SNX29: variants seen among roughly 807,000 people sequenced by gnomAD.
SNX29 encodes sorting nexin-29.
A neutral mutation model predicts 102.1 loss-of-function variants in SNX29; 78 were observed. The ratio of observed to expected loss-of-function variants is 0.76; its 90% CI spans 0.64 to 0.92. The LOEUF (loss-of-function observed/expected upper bound fraction) is 0.92, where lower values mean the gene tolerates loss of function less well. Among genes scored for constraint, SNX29 ranks in the 40% least tolerant of loss-of-function variants. The pLI, the probability that SNX29 is intolerant of heterozygous loss-of-function variation, is 0.00. For missense variants in SNX29, 1,280 were observed against 1,061.7 expected (o/e 1.21, Z -2.86); for synonymous variants, 580 against 414.5 (o/e 1.40, Z -4.85).
chr16:12,533,174 T>G (rs1442224597), intron 20 of SNX29, among the ~76,000 whole-genome samples: 1 of 152,212 alleles, frequency 6.6e-6, no homozygotes, highest in Non-Finnish European at 1.5e-5. Flanking sequence ...CTGAACAAAC[T>G]GGATTCTGGA....
chr16:12,504,094 C>G (rs547581177), intron 19 of SNX29, among the ~76,000 whole-genome samples: 1 of 152,192 alleles, frequency 6.6e-6, no homozygotes, highest in African/African-American at 2.4e-5. Context: ...AACCACTCAT[C>G]TGTTTTCTGC....
At chr16:12,095,341 A>C (rs1047374291) in intron 11 of SNX29, 1 of 152,214 alleles carries the variant, frequency 6.6e-6, no homozygotes, top group Admixed American at 6.5e-5. Context: ...TGCCAATTTC[A>C]GGAAGAGCCA....
At chr16:12,481,571 G>A (rs2087936951) in intron 19 of SNX29, among the ~76,000 whole-genome samples, 1 of 142,974 alleles carries the variant, frequency 7.0e-6, no homozygotes, top group Non-Finnish European at 1.5e-5. Context: ...ATGTCACCCT[G>A]TCGCCCAGGG....
At chr16:12,422,739 C>T (rs2084919789) in intron 18 of SNX29, among the ~76,000 whole-genome samples, 1 of 152,222 alleles carries the variant, frequency 6.6e-6, no homozygotes, top group South Asian at 2.1e-4. Flanking sequence ...ACCTCTCTCT[C>T]CCAGCCCCTG....
rs1041630158 is a variant in SNX29 at position 12,423,716 on chromosome 16, G to A, written c.2037+20187G>A. Among the ~76,000 whole-genome samples, 22 of 152,216 alleles carry A rather than the reference G, an allele frequency of 1.4e-4. 1 individual carries two copies. Among genetic ancestry groups the A allele is most frequent in the Non-Finnish European group, 8.8e-5 (6 of 68,010 alleles). On this transcript the variant is annotated intron_variant, in intron 18 of 20. Transcript: ENST00000566228. ...CTCCCGAATAGCTGGGGTTACAGGC[G>A]CGCACCACCAAGCCTGGCTAAGTTT...
chr16:12,528,163 C>G (rs964352284), intron 20 of SNX29, among the ~76,000 whole-genome samples: 1 of 151,690 alleles, frequency 6.6e-6, no homozygotes, highest in Non-Finnish European at 1.5e-5. Context: ...TTGCCAACAT[C>G]AAAAAATTAG....
At chr16:11,991,435 C>T (rs1043215549) in intron 1 of SNX29, among the ~76,000 whole-genome samples, 6 of 152,096 alleles carry the variant, frequency 3.9e-5, no homozygotes, top group Admixed American at 3.9e-4. Flanking sequence ...CAGGGGGAGA[C>T]AGGGGTGCAG....
intron 19 of SNX29, among the ~76,000 whole-genome samples, chr16:12,484,643 G>A (rs1260457294): frequency 2.6e-5 from 4 of 151,702 alleles, no homozygotes; most frequent in African/African-American, 9.7e-5. Context: ...ATCTCACCTC[G>A]GGGCCTTTGC....
intron 18 of SNX29, among the ~76,000 whole-genome samples, chr16:12,456,539 C>T (rs2086548304): frequency 6.6e-6 from 1 of 151,326 alleles, no homozygotes; most frequent in African/African-American, 2.4e-5. Flanking sequence ...GTATGTGCAT[C>T]TGGCGAAAGT....
chr16:12,555,473 G>A (rs1250078132), intron 20 of SNX29, among the ~76,000 whole-genome samples: 2 of 151,560 alleles, frequency 1.3e-5, no homozygotes, highest in Admixed American at 1.3e-4. Flanking sequence ...TGACATGTCT[G>A]AGGACGTCTT....
Position 12,563,896 on chromosome 16 carries a change from C to G in SNX29, c.2319-4610C>G, listed in dbSNP as rs145452581. On this transcript the variant is annotated intron_variant, in intron 20 of 20. Transcript: ENST00000566228. Reference sequence around the variant, plus strand: ...CTCTAGCCCCTTGGGCCTCTGCCGTCTCTGGAGCAGGCAGCCGAAGACCTA... The same window carrying G: ...CTCTAGCCCCTTGGGCCTCTGCCGTGTCTGGAGCAGGCAGCCGAAGACCTA... Among the ~76,000 whole-genome samples, 163 of 152,344 alleles carry G rather than the reference C, an allele frequency of 1.1e-3. 2 individuals carry two copies. The highest frequency in any genetic ancestry group is 2.4e-3 in the Admixed American group (37 of 15,312).
intron 15 of SNX29, among the ~76,000 whole-genome samples, chr16:12,336,105 T>C (rs1428225130): frequency 1.3e-5 from 2 of 152,170 alleles, no homozygotes; most frequent in Admixed American, 6.5e-5. Flanking sequence ...TAGAGAAATA[T>C]AATATTTACA....
chr16:12,106,648 A>ATTTTTTT (rs57242428), intron 11 of SNX29, among the ~76,000 whole-genome samples: 1 of 142,288 alleles, frequency 7.0e-6, no homozygotes, highest in South Asian at 2.3e-4. Context: ...TCATTTTTCT[A>ATTTTTTT]TTTTTTTTTT....
intron 11 of SNX29, among the ~76,000 whole-genome samples, chr16:12,106,627 C>G (rs986231830): frequency 2.0e-5 from 3 of 149,058 alleles, no homozygotes; most frequent in Non-Finnish European, 4.4e-5. Context: ...GCACGTGCCA[C>G]CATGCCTGGC....
In SNX29 at chr16:12,569,807, G is replaced by A. The variant is rs1334442794; in HGVS notation, c.*1178G>A. 4.3e-6 allele frequency: 1 copy of A among 230,394 alleles called. No individual in the cohort carries two copies. The highest frequency in any genetic ancestry group is 8.6e-6 in the Non-Finnish European group (1 of 116,268). The allele number at this position is 230,394 out of a possible 1,614,324, so 14.3% of individuals were successfully genotyped here. The stretch of plus-strand genomic sequence containing the variant: ...TAGCCGTCCTCAGATGCTCAGCAAA[G>A]TTGTGGCAGTTTGCATTTCTAGGGT... On this transcript the variant is annotated 3_prime_UTR_variant, in exon 21 of 21. Coordinates refer to ENST00000566228, the MANE Select transcript of SNX29 (RefSeq NM_032167.5).
At chr16:12,540,015 A>C (rs1054951939) in intron 20 of SNX29, among the ~76,000 whole-genome samples, 1 of 152,168 alleles carries the variant, frequency 6.6e-6, no homozygotes, top group Non-Finnish European at 1.5e-5. Context: ...CTTTTGCATG[A>C]CACCTTTTTA....
At chr16:12,307,871 T>G (rs2080389859) in intron 15 of SNX29, among the ~76,000 whole-genome samples, 1 of 152,218 alleles carries the variant, frequency 6.6e-6, no homozygotes, top group African/African-American at 2.4e-5. Context: ...CCAATGACCC[T>G]GACCTTCTGA....
At chr16:12,108,606 A>T (rs2053365883) in intron 11 of SNX29, among the ~76,000 whole-genome samples, 1 of 152,104 alleles carries the variant, frequency 6.6e-6, no homozygotes, top group African/African-American at 2.4e-5. Context: ...AGCTCTCTTA[A>T]TACCTACAAC....
rs969200524 is a variant in SNX29, at chr16:12,572,487, G to T, written c.*3858G>T. The T allele has an allele frequency of 9.4e-7, 1 of 1,064,006 alleles. No individual in the cohort carries two copies. Among genetic ancestry groups the T allele is most frequent in the Non-Finnish European group, 1.1e-6 (1 of 878,458 alleles). The allele number at this position is 1,064,006 out of a possible 1,614,324, so 65.9% of individuals were successfully genotyped here. Reference sequence around the variant, plus strand: ...CCAACCCTGAGGACCAGTTCTTGGGGTTCCAGGCCTCGGCCTTCCTGCTCC... The same window carrying T: ...CCAACCCTGAGGACCAGTTCTTGGGTTTCCAGGCCTCGGCCTTCCTGCTCC... On this transcript the variant is annotated 3_prime_UTR_variant, in exon 21 of 21. Coordinates refer to ENST00000566228, the MANE Select transcript of SNX29 (RefSeq NM_032167.5).
Sources: allele counts gnomAD v4.1 joint callset (sites outside exome capture counted in the v4.1 genomes callset), GRCh38; gene constraint gnomAD v4.1.1; transcripts MANE v1.5; gene names NCBI Gene and HGNC (gene_info 2026-07-23, HGNC 2026-07-21).